Variants in FAM240C observed in about 807,000 individuals in gnomAD.
FAM240C encodes family with sequence similarity 240 member C.
In FAM240C, 14 loss-of-function variants were observed where a neutral mutation model predicts 10.0. The observed-to-expected ratio is 1.40, with a 90% CI of 0.92 to 2.19. The LOEUF is 2.19. FAM240C is among the 30% of genes most tolerant of loss of function. The pLI, the probability that FAM240C is intolerant of heterozygous loss-of-function variation, is 0.00. For missense variants in FAM240C, 154 were observed against 122.3 expected (o/e 1.26, Z -1.22); for synonymous variants, 49 against 44.3 (o/e 1.11, Z -0.42).
upstream of FAM240C, chr2:241,900,592 G>A (rs896977925): frequency 1.7e-6 from 1 of 574,908 alleles, no homozygotes; most frequent in Non-Finnish European, 3.1e-6. This position sits in a 1 kb window ranked among gnomAD's most constrained non-coding sequence, Gnocchi z 4.5. Context: ...ATGGGAATCT[G>A]GAGGACGGCC....
chr2:241,902,330 C>G (rs1311889760), upstream of FAM240C, among the ~76,000 whole-genome samples: 1 of 120,548 alleles, frequency 8.3e-6, no homozygotes, highest in African/African-American at 2.9e-5. This position sits in a 1 kb window ranked among gnomAD's most constrained non-coding sequence, Gnocchi z 7.1. Context: ...CGCCTCCCCT[C>G]CGCCGCCGCC....
At chr2:241,897,591 C>T (rs550887644) in intron 1 of FAM240C, among the ~76,000 whole-genome samples, 3 of 152,328 alleles carry the variant, frequency 2.0e-5, no homozygotes, top group Admixed American at 1.3e-4. Context: ...AAATGGAGGG[C>T]AAATTCCATT....
rs1315816045 is a variant in FAM240C, at chr2:241,894,229, T to C, written c.272A>G (p.Asp91Gly). The change falls in exon 3 of 3, where the codon GAC (aspartate) becomes GGC (glycine). Residue 91 changes from aspartate to glycine, a missense_variant. Physicochemically the swap from Asp to Gly is moderately conservative, Grantham distance 94. Transcript: ENST00000404031. ...CGTGGGCCCTCAGGCCGCCTTCTTG[T>C]CCTTGGTGTGGAGGGACTCAGTGGC... ...PEATESLHTK[D>G]KKAA 6.5e-7 allele frequency: 1 copy of C among 1,549,726 alleles called. No individual in the cohort carries two copies. The highest frequency in any genetic ancestry group is 2.0e-5 in the Admixed American group (1 of 50,992).
intron 2 of FAM240C, among the ~76,000 whole-genome samples, chr2:241,896,883 C>T (rs1208257717): frequency 1.4e-5 from 2 of 140,976 alleles, no homozygotes; most frequent in African/African-American, 2.6e-5. Context: ...GTGAATTGTC[C>T]GTGGGCATTG....
chr2:241,897,275 C>A lies in FAM240C; in HGVS notation c.72G>T (p.Gly24=), dbSNP rs1347547395. The stretch of plus-strand genomic sequence containing the variant: ...TTTTTTTCTCCCAAAACATCTTTAT[C>A]CCGCCTGAATCGTATGCTACTCTTC... The part of the protein sequence containing the change: ...NPGRVAYDSG[G]IKMFWEKKIE... Residue 24 remains glycine (G), a synonymous_variant, in exon 2 of 3, where the codon GGG becomes GGT. Coordinates refer to ENST00000404031, the MANE Select transcript of FAM240C (RefSeq NM_001382368.1). The A allele has an allele frequency of 6.5e-7, 1 of 1,549,748 alleles. No individual in the cohort carries two copies. Among genetic ancestry groups the A allele is most frequent in the East Asian group, 2.4e-5 (1 of 40,936 alleles).
chr2:241,896,089 C>T (rs1232018914), intron 2 of FAM240C, among the ~76,000 whole-genome samples: 6 of 152,016 alleles, frequency 3.9e-5, no homozygotes, highest in Admixed American at 1.3e-4. Flanking sequence ...TCTGTGGGAC[C>T]GCCTCGGGCT....
At chr2:241,896,826 T>G (rs1701849689) in intron 2 of FAM240C, among the ~76,000 whole-genome samples, 2 of 59,548 alleles carry the variant, frequency 3.4e-5, no homozygotes, top group African/African-American at 5.8e-5. Flanking sequence ...GGTGTGGGGG[T>G]GTGGGTGTTG....
rs774378985 is a variant in FAM240C, at chr2:241,897,199, T to C, written c.148A>G (p.Ser50Gly). The C allele has an allele frequency of 5.2e-6, 8 of 1,549,842 alleles. No individual in the cohort carries two copies. In the South Asian group the frequency reaches 9.5e-5, roughly 18 times the overall value. The change falls in exon 2 of 3, where the codon AGC becomes GGC. Residue 50 changes from serine (S) to glycine (G), a missense_variant. Physicochemically the swap from Ser to Gly is moderately conservative, Grantham distance 56 (BLOSUM62 0). Transcript: ENST00000404031. ...ACCCCGACTCACTTGTTCAGAGCGCTTCTGCGAACCCTGATGTCCTCGTTC... is the reference window on the plus strand; with the variant it reads ...ACCCCGACTCACTTGTTCAGAGCGCCTCTGCGAACCCTGATGTCCTCGTTC... ...LQNEDIRVRRSALNKLRVGWA... is the reference protein window; with the variant it reads ...LQNEDIRVRRGALNKLRVGWA...
At position 241,900,395 on chromosome 2, in the gene FAM240C, G is replaced by GTC; in HGVS notation, c.-28_-27dup. The GTC allele has an allele frequency of 2.8e-6, 2 of 717,126 alleles. No homozygotes were observed. The highest frequency in any genetic ancestry group is 5.2e-6 in the Non-Finnish European group (2 of 385,044). The allele number at this position is 717,126 out of a possible 1,614,324, so 44.4% of individuals were successfully genotyped here. A position where few individuals can be genotyped will look rare whatever the true frequency, so the allele number is the denominator to read the frequency against. Reference sequence around the variant, plus strand: ...TTCTCAGTGACGGGCAGGTTTTCCTGTCTCTGTTGAGGGTCCTCAGCCTGT... The same window carrying GTC: ...TTCTCAGTGACGGGCAGGTTTTCCTGTCTCTCTGTTGAGGGTCCTCAGCCTGT... On this transcript the variant is annotated 5_prime_UTR_variant, in exon 1 of 3. Coordinates refer to ENST00000404031, the MANE Select transcript of FAM240C (RefSeq NM_001382368.1). This position sits in a 1 kb window ranked among gnomAD's most constrained non-coding sequence, Gnocchi z 4.5.
chr2:241,896,335 C>T (rs1472237440), intron 2 of FAM240C, among the ~76,000 whole-genome samples: 1 of 152,192 alleles, frequency 6.6e-6, no homozygotes, highest in Non-Finnish European at 1.5e-5. Flanking sequence ...TGGTATCTGC[C>T]TTCCTGAGCA....
At chr2:241,897,115 G>A in intron 2 of FAM240C, 71 bp downstream of exon 2, 2 of 1,503,634 alleles carry the variant, frequency 1.3e-6, no homozygotes, top group Non-Finnish European at 1.8e-6. Context: ...ACTGCTGGCG[G>A]GGCTGTGCCC....
chr2:241,894,062 C>G lies in FAM240C; in HGVS notation c.*151G>C. On this transcript the variant is annotated 3_prime_UTR_variant, in exon 3 of 3. Coordinates refer to ENST00000404031, the MANE Select transcript of FAM240C (RefSeq NM_001382368.1). ...TGGGACTCTGCTGCAGCGTGGACCCCGAGGTGGGATTATTACGGGGTCAGC... is the reference window on the plus strand; with the variant it reads ...TGGGACTCTGCTGCAGCGTGGACCCGGAGGTGGGATTATTACGGGGTCAGC... 1 of 863,174 alleles carries G rather than the reference C, an allele frequency of 1.2e-6. No individual in the cohort carries two copies. Among genetic ancestry groups the G allele is most frequent in the Non-Finnish European group, 1.7e-6 (1 of 582,868 alleles). The allele number at this position is 863,174 out of a possible 1,614,324, so 53.5% of individuals were successfully genotyped here. A position where few individuals can be genotyped will look rare whatever the true frequency, so the allele number is the denominator to read the frequency against.
intron 2 of FAM240C, among the ~76,000 whole-genome samples, chr2:241,895,349 C>G (rs555211677): frequency 2.0e-5 from 3 of 152,236 alleles, no homozygotes; most frequent in Non-Finnish European, 4.4e-5. Context: ...CACAGCCGGC[C>G]GCCCATCCCA....
At position 241,897,338 on chromosome 2, in the gene FAM240C, G is replaced by C. The variant is rs1318790819; in HGVS notation, c.13-4C>G. The C allele has an allele frequency of 6.5e-7, 1 of 1,549,048 alleles. No homozygotes were observed. Among genetic ancestry groups the C allele is most frequent in the Admixed American group, 2.0e-5 (1 of 50,900 alleles). ...GAGTGAGGCTTTTACTCATGTTCTG[G>C]AAAATAAAAAGTGGAGAAGAGCTCA... On this transcript the variant is annotated splice_polypyrimidine_tract_variant and splice_region_variant and intron_variant, in intron 1 of 2. Coordinates refer to ENST00000404031, the MANE Select transcript of FAM240C (RefSeq NM_001382368.1).
chr2:241,897,128 G>C, intron 2 of FAM240C, 58 bp downstream of exon 2: 1 of 1,528,578 alleles, frequency 6.5e-7, no homozygotes, highest in South Asian at 1.2e-5. Flanking sequence ...CTGTGCCCCT[G>C]GGTGGCGAGC....
At chr2:241,895,965 G>GT (rs201690821) in intron 2 of FAM240C, among the ~76,000 whole-genome samples, 255 of 151,020 alleles carry the variant, frequency 1.7e-3, no homozygotes, top group Middle Eastern at 6.8e-3. Flanking sequence ...CTCGGTGGTG[G>GT]GGGGGGGCCT....
chr2:241,899,039 A>G, intron 1 of FAM240C: 4 of 993,200 alleles, frequency 4.0e-6, no homozygotes, highest in South Asian at 1.3e-5. Context: ...GGAAGAACAC[A>G]GGGTGGCAGG....
chr2:241,898,215 T>A (rs1701898849), intron 1 of FAM240C, among the ~76,000 whole-genome samples: 1 of 152,244 alleles, frequency 6.6e-6, no homozygotes, highest in Admixed American at 6.5e-5. Flanking sequence ...CTCGTGCATC[T>A]ACGGGACACC....
chr2:241,899,072 A>G, intron 1 of FAM240C: 1 of 1,251,606 alleles, frequency 8.0e-7, no homozygotes, highest in Non-Finnish European at 1.1e-6. Flanking sequence ...GAGGAAAACC[A>G]GGCAGCTGAG....
Sources: allele counts gnomAD v4.1 joint callset (sites outside exome capture counted in the v4.1 genomes callset), GRCh38; gene constraint gnomAD v4.1.1; non-coding constraint Gnocchi (gnomAD v3.1); transcripts MANE v1.5; gene names NCBI Gene and HGNC (gene_info 2026-07-23, HGNC 2026-07-21).